SORCS2: variants seen among roughly 807,000 people sequenced by gnomAD.
The protein encoded by SORCS2 is VPS10 domain-containing receptor SorCS2.
A neutral mutation model predicts 141.6 loss-of-function variants in SORCS2; 100 were observed. The ratio of observed to expected loss-of-function variants is 0.71; its 90% CI spans 0.60 to 0.83. SORCS2 has a LOEUF of 0.83. SORCS2 is among the 40% of genes least tolerant of loss of function. The probability of loss-of-function intolerance (pLI) is 0.00; values close to 1 mark genes in which losing one functional copy is unlikely to be tolerated. For synonymous variants in SORCS2, 789 were observed against 676.9 expected, an observed-to-expected ratio of 1.17 and a Z score of -2.57; for missense variants, 1,646 against 1,560.2, an observed-to-expected ratio of 1.05 and a Z score of -0.93.
chr4:7,612,886 G>A lies in SORCS2; in HGVS notation c.649-25442G>A, dbSNP rs181366185. 7.7e-3 allele frequency among the ~76,000 whole-genome samples: 608 copies of A among 78,890 alleles called. 2 individuals are homozygous for A. The highest frequency in any genetic ancestry group is 0.038 in the Middle Eastern group (4 of 104). 51.8% of individuals were successfully genotyped at this position (78,890 alleles called of 152,430 possible). On this transcript the variant is annotated intron_variant, in intron 3 of 26. Transcript: ENST00000507866. Reference sequence around the variant, plus strand: ...TAGCTTTGGAGGGGACAGGTAGTGGGAGGAGATGGGAGGGGAACAAGAAGA... The same window carrying A: ...TAGCTTTGGAGGGGACAGGTAGTGGAAGGAGATGGGAGGGGAACAAGAAGA...
Position 7,312,225 on chromosome 4 carries a change from T to C in SORCS2, c.481-84063T>C, listed in dbSNP as rs1419070684. ...CTGCTGAAGAGCGTAAGTACTTCAT[T>C]TGGTGAAGTATAATTTATCAGTGTT... On this transcript the variant is annotated intron_variant, in intron 1 of 26. Transcript: ENST00000507866. Among the ~76,000 whole-genome samples the C allele has an allele frequency of 5.3e-5, 8 of 152,176 alleles. No individual in the cohort carries two copies. In the South Asian group the frequency reaches 1.7e-3, roughly 32 times the overall value.
chr4:7,538,852 T>G (rs1712341577), intron 3 of SORCS2, among the ~76,000 whole-genome samples: 1 of 152,186 alleles, frequency 6.6e-6, no homozygotes, highest in Non-Finnish European at 1.5e-5. Flanking sequence ...AAGTGAAAAT[T>G]TTGTTTTTAA....
intron 1 of SORCS2, among the ~76,000 whole-genome samples, chr4:7,195,866 T>A (rs1256346700): frequency 6.6e-6 from 1 of 152,164 alleles, no homozygotes; most frequent in African/African-American, 2.4e-5. Flanking sequence ...CTTCTTAACG[T>A]TTTCTTTCCT....
chr4:7,247,490 G>A (rs1278880947), intron 1 of SORCS2, among the ~76,000 whole-genome samples: 3 of 152,206 alleles, frequency 2.0e-5, no homozygotes, highest in East Asian at 3.8e-4. Context: ...GGTTTTGGTT[G>A]TTTGGCCAAC....
At chr4:7,605,340 C>T (rs903859686) in intron 3 of SORCS2, among the ~76,000 whole-genome samples, 20 of 152,222 alleles carry the variant, frequency 1.3e-4, no homozygotes, top group South Asian at 4.1e-4. Context: ...CCCTGAGTTT[C>T]GGGGGAGGTT....
intron 1 of SORCS2, among the ~76,000 whole-genome samples, chr4:7,285,558 T>C (rs894551880): frequency 2.0e-5 from 3 of 152,216 alleles, no homozygotes; most frequent in African/African-American, 4.8e-5. Context: ...CTGGAAGACA[T>C]GGCCTCTGCC....
At chr4:7,611,820 G>T (rs1358467851) in intron 3 of SORCS2, among the ~76,000 whole-genome samples, 1 of 152,260 alleles carries the variant, frequency 6.6e-6, no homozygotes, top group East Asian at 1.9e-4. Context: ...CACATTGTCA[G>T]GGGCTGCACT....
chr4:7,463,697 G>T (rs914944316), intron 2 of SORCS2, among the ~76,000 whole-genome samples: 3 of 152,246 alleles, frequency 2.0e-5, no homozygotes, highest in Admixed American at 1.3e-4. Context: ...AGGGAGGAAA[G>T]TTGGGCGGGC....
intron 2 of SORCS2, chr4:7,430,223 G>C (rs555620393): frequency 1.2e-3 from 185 of 151,538 alleles, no homozygotes; most frequent in African/African-American, 4.3e-3. Flanking sequence ...GCTCTTCCAT[G>C]CTTTCCAGGA....
At chr4:7,641,203 C>T (rs1034503717) in intron 4 of SORCS2, among the ~76,000 whole-genome samples, 3 of 152,172 alleles carry the variant, frequency 2.0e-5, no homozygotes, top group African/African-American at 7.2e-5. Context: ...CTATTAAGAA[C>T]TACCTGAGAC....
At chr4:7,343,476 G>A (rs1479129463) in intron 1 of SORCS2, among the ~76,000 whole-genome samples, 1 of 152,182 alleles carries the variant, frequency 6.6e-6, no homozygotes, top group Non-Finnish European at 1.5e-5. Flanking sequence ...GCACAGCCCC[G>A]GGTTCAGCAC....
chr4:7,376,669 G>GTGC (rs1244428558), intron 1 of SORCS2, among the ~76,000 whole-genome samples: 1 of 152,168 alleles, frequency 6.6e-6, no homozygotes, highest in Admixed American at 6.5e-5. Context: ...TTCATTTTCT[G>GTGC]CGCATGTCTA....
At chr4:7,285,514 TGGGC>T (rs1716157361) in intron 1 of SORCS2, among the ~76,000 whole-genome samples, 1 of 152,194 alleles carries the variant, frequency 6.6e-6, no homozygotes, top group Non-Finnish European at 1.5e-5. Context: ...CTGGCTGCAG[TGGGC>T]GGTTGATTTT....
intron 10 of SORCS2, among the ~76,000 whole-genome samples, chr4:7,683,171 G>A (rs948285598): frequency 6.6e-6 from 1 of 152,238 alleles, no homozygotes; most frequent in Non-Finnish European, 1.5e-5. Flanking sequence ...CTACAGGTGG[G>A]CTCAGCTGGG....
intron 1 of SORCS2, among the ~76,000 whole-genome samples, chr4:7,226,844 T>C (rs1318480920): frequency 2.0e-5 from 3 of 152,194 alleles, no homozygotes; most frequent in Non-Finnish European, 4.4e-5. Context: ...GGGCGTGGCC[T>C]GTTTCTGTTT....
intron 2 of SORCS2, among the ~76,000 whole-genome samples, chr4:7,416,924 TCACA>T (rs376162763): frequency 6.6e-6 from 1 of 151,616 alleles, no homozygotes; most frequent in Non-Finnish European, 1.5e-5. Flanking sequence ...ACTGACACAT[TCACA>T]CACACGCACA....
At chr4:7,409,545 G>T (rs1725175287) in intron 2 of SORCS2, among the ~76,000 whole-genome samples, 1 of 152,204 alleles carries the variant, frequency 6.6e-6, no homozygotes, top group African/African-American at 2.4e-5. Context: ...CAGCACTTGA[G>T]TTGTTTTCTA....
intron 2 of SORCS2, among the ~76,000 whole-genome samples, chr4:7,460,399 G>A (rs112685491): frequency 3.3e-4 from 50 of 152,328 alleles, no homozygotes; most frequent in African/African-American, 1.1e-3. Context: ...CCAGACATTC[G>A]GGGTGCCAGA....
chr4:7,410,949 C>CTTTTTTTT (rs5855962), intron 2 of SORCS2, among the ~76,000 whole-genome samples: 9 of 73,848 alleles, frequency 1.2e-4, no homozygotes, highest in African/African-American at 3.5e-4. Context: ...TCTCTCCATC[C>CTTTTTTTT]TTTTTTTTTT....
Sources: allele counts gnomAD v4.1 joint callset (sites outside exome capture counted in the v4.1 genomes callset), GRCh38; gene constraint gnomAD v4.1.1; transcripts MANE v1.5; gene names NCBI Gene and HGNC (gene_info 2026-07-23, HGNC 2026-07-21).